EYS: variants seen among roughly 807,000 people sequenced by gnomAD.
The protein encoded by EYS is EGF-like photoreceptor maintenance factor, also known as protein eyes shut homolog.
EYS carries 250 observed loss-of-function variants against 282.1 expected under a neutral mutation model. The observed-to-expected ratio is 0.89, with a 90% CI of 0.80 to 0.98. The LOEUF is 0.98. Among genes scored for constraint, EYS ranks in the 50% least tolerant of loss-of-function variants. The probability of loss-of-function intolerance (pLI) is 0.00; values close to 1 mark genes in which losing one functional copy is unlikely to be tolerated. For synonymous variants in EYS, 1,355 were observed against 1,282.9 expected, an observed-to-expected ratio of 1.06 and a Z score of -1.20; for missense variants, 4,016 against 3,709.0, an observed-to-expected ratio of 1.08 and a Z score of -2.15.
intron 29 of EYS, among the ~76,000 whole-genome samples, chr6:64,328,973 A>G (rs892269808): frequency 6.6e-6 from 1 of 152,170 alleles, no homozygotes; most frequent in African/African-American, 2.4e-5. Context: ...ATCAGGGACA[A>G]AATGGCTGGC....
intron 19 of EYS, among the ~76,000 whole-genome samples, chr6:64,823,979 C>T (rs1439313944): frequency 1.3e-5 from 2 of 151,816 alleles, no homozygotes; most frequent in Non-Finnish European, 2.9e-5. Context: ...AAATAGCTGA[C>T]ATGTGAGGCT....
At chr6:64,290,320 G>A (rs1768656458) in intron 30 of EYS, among the ~76,000 whole-genome samples, 1 of 151,956 alleles carries the variant, frequency 6.6e-6, no homozygotes, top group Non-Finnish European at 1.5e-5. Flanking sequence ...CAGCATAGCA[G>A]GAGTTAAAAT....
intron 35 of EYS, among the ~76,000 whole-genome samples, chr6:63,882,684 T>C (rs1773161667): frequency 6.6e-6 from 1 of 152,190 alleles, no homozygotes; most frequent in African/African-American, 2.4e-5. Flanking sequence ...ATCACATTGG[T>C]GCTATGGGAG....
intron 26 of EYS, among the ~76,000 whole-genome samples, chr6:64,485,097 A>C (rs750879286): frequency 6.6e-6 from 1 of 151,650 alleles, no homozygotes; most frequent in Non-Finnish European, 1.5e-5. Context: ...GGCCCCCAAA[A>C]AAGGAAAGAA....
At chr6:63,739,651 C>T (rs2149641037) in intron 41 of EYS, among the ~76,000 whole-genome samples, 1 of 152,204 alleles carries the variant, frequency 6.6e-6, no homozygotes, top group Middle Eastern at 3.4e-3. Flanking sequence ...GGAAATTCAA[C>T]ATTGACCTTG....
At chr6:63,736,504 T>G (rs1768916782) in intron 41 of EYS, among the ~76,000 whole-genome samples, 1 of 152,164 alleles carries the variant, frequency 6.6e-6, no homozygotes, top group Non-Finnish European at 1.5e-5. Context: ...GTAGTATAGT[T>G]TGAAGTCAGG....
intron 5 of EYS, among the ~76,000 whole-genome samples, chr6:65,484,359 C>T (rs1338355720): frequency 6.6e-6 from 1 of 152,072 alleles, no homozygotes; most frequent in East Asian, 1.9e-4. Flanking sequence ...GATAAATCAC[C>T]ACTTGGTATT....
intron 31 of EYS, among the ~76,000 whole-genome samples, chr6:64,175,345 T>C (rs922971728): frequency 6.6e-6 from 1 of 152,122 alleles, no homozygotes; most frequent in Non-Finnish European, 1.5e-5. Flanking sequence ...TCTATCCCTT[T>C]CAGGAAGTTT....
intron 14 of EYS, among the ~76,000 whole-genome samples, chr6:64,979,682 C>T (rs1770588096): frequency 6.6e-6 from 1 of 151,088 alleles, no homozygotes; most frequent in South Asian, 2.1e-4. Context: ...AATAAATAAC[C>T]CAAGAGAATC....
chr6:65,291,522 C>T (rs546321159), intron 12 of EYS, among the ~76,000 whole-genome samples: 1 of 151,454 alleles, frequency 6.6e-6, no homozygotes, highest in Non-Finnish European at 1.5e-5. Flanking sequence ...GGTCAACATT[C>T]ATGTGTTATT....
intron 13 of EYS, among the ~76,000 whole-genome samples, chr6:65,035,907 T>C (rs1349766140): frequency 6.8e-6 from 1 of 147,674 alleles, no homozygotes; most frequent in African/African-American, 2.5e-5. Flanking sequence ...TATATTTTTA[T>C]ATTATAGTGT....
At position 65,331,387 on chromosome 6, in the gene EYS, C is replaced by T. The variant is rs574744230; in HGVS notation, c.1766+3593G>A. 1.3e-4 allele frequency: 105 copies of T among 780,186 alleles called. No individual in the cohort carries two copies. The African/African-American group carries it at 1.8e-3, about 14-fold the overall frequency. The allele number at this position is 780,186 out of a possible 1,614,324, so 48.3% of individuals were successfully genotyped here. On this transcript the variant is annotated intron_variant, in intron 11 of 42. Coordinates refer to ENST00000503581, the MANE Select transcript of EYS (RefSeq NM_001142800.2). ...GAATTAGAGCATCTTTTTTTTAATT[C>T]TAAACATTTTGCATATCTTTTGACA...
intron 5 of EYS, among the ~76,000 whole-genome samples, chr6:65,475,768 C>CACACAA: frequency 6.6e-6 from 1 of 151,742 alleles, no homozygotes. Context: ...CACACACACA[C>CACACAA]ACACACACAC....
chr6:64,483,490 C>A (rs1776495040), intron 26 of EYS, among the ~76,000 whole-genome samples: 1 of 151,712 alleles, frequency 6.6e-6, no homozygotes. Flanking sequence ...TCACTTCTCA[C>A]TAGGGAAGAG....
chr6:65,394,242 G>T (rs1020579043), intron 7 of EYS, among the ~76,000 whole-genome samples: 1 of 152,066 alleles, frequency 6.6e-6, no homozygotes, highest in Admixed American at 6.6e-5. Flanking sequence ...GTGTGTGTGT[G>T]TGTGTGTGCA....
chr6:63,836,289 A>C (rs1399038508), intron 36 of EYS, among the ~76,000 whole-genome samples: 2 of 152,064 alleles, frequency 1.3e-5, no homozygotes, highest in African/African-American at 4.8e-5. Flanking sequence ...TTCTGGTAAA[A>C]CAGAAATTCT....
intron 2 of EYS, among the ~76,000 whole-genome samples, chr6:65,544,959 T>A (rs1001339421): frequency 1.3e-5 from 2 of 152,136 alleles, no homozygotes; most frequent in African/African-American, 4.8e-5. Flanking sequence ...AGATTACTAA[T>A]AATTTTTAAA....
At position 63,721,080 on chromosome 6, in the gene EYS, A is replaced by G. The variant is rs1490282783; in HGVS notation, c.8951T>C (p.Leu2984Ser). Residue 2984 changes from leucine (L) to serine (S), a missense_variant, in exon 43 of 43, where the codon TTA becomes TCA. Leu to Ser is a moderately radical substitution (Grantham distance 145). Transcript: ENST00000503581. ...MRNLQFTTISLNFSTTKTEGL... is the reference protein window; with the variant it reads ...MRNLQFTTISSNFSTTKTEGL... ...TTCTGTTTTAGTGGTACTGAAATTT[A>G]AGGATATAGTAGTGAACTGGAGGTT... 1.9e-6 allele frequency: 3 copies of G among 1,551,306 alleles called. No homozygotes were observed. Among genetic ancestry groups the G allele is most frequent in the Non-Finnish European group, 2.6e-6 (3 of 1,146,730 alleles).
intron 5 of EYS, among the ~76,000 whole-genome samples, chr6:65,419,452 A>C (rs1168664657): frequency 1.3e-5 from 2 of 151,946 alleles, no homozygotes; most frequent in African/African-American, 2.4e-5. Flanking sequence ...AATTTATCAA[A>C]AAAAAATCAG....
Sources: gnomAD v4.1 joint callset for allele counts (sites outside exome capture counted in the v4.1 genomes callset) on GRCh38, gnomAD v4.1.1 for gene constraint, MANE v1.5 for transcripts, NCBI Gene and HGNC (gene_info 2026-07-23, HGNC 2026-07-21) for gene names.